RYR2: variants seen among roughly 807,000 people sequenced by gnomAD.
The protein encoded by RYR2 is ryanodine receptor 2, also known as cardiac muscle ryanodine receptor-calcium release channel.
A neutral mutation model predicts 601.1 loss-of-function variants in RYR2; 227 were observed. The observed-to-expected ratio is 0.38, with a 90% CI of 0.34 to 0.42. The LOEUF (loss-of-function observed/expected upper bound fraction) is 0.42. Ranked by LOEUF, RYR2 falls within the 10% of genes least tolerant of loss-of-function variation. The pLI is 1.00. For missense variants in RYR2, 4,646 were observed against 6,156.5 expected, an observed-to-expected ratio of 0.75 and a Z score of 8.21; for synonymous variants, 2,223 against 2,175.1, an observed-to-expected ratio of 1.02 and a Z score of -0.61.
intron 8 of RYR2, among the ~76,000 whole-genome samples, chr1:237,380,152 G>T (rs886880013): frequency 6.6e-6 from 1 of 151,126 alleles, no homozygotes; most frequent in African/African-American, 2.4e-5. Context: ...GATAGTAGCG[G>T]GTATATGAAG....
intron 73 of RYR2, among the ~76,000 whole-genome samples, chr1:237,719,513 C>T (rs1249988528): frequency 1.3e-5 from 2 of 152,030 alleles, no homozygotes; most frequent in South Asian, 2.1e-4. Flanking sequence ...AGGCATCTCG[C>T]CTGGCAGGAG....
At chr1:237,050,221 G>A (rs549404834) in intron 1 of RYR2, among the ~76,000 whole-genome samples, 1 of 152,326 alleles carries the variant, frequency 6.6e-6, no homozygotes, top group Admixed American at 6.5e-5. Context: ...AACCGATGAT[G>A]AGTATCTGCC....
rs545939421 is a variant in RYR2 at position 237,425,612 on chromosome 1, C to T, written c.1005+2364C>T. Among the ~76,000 whole-genome samples, 32 of 150,366 alleles carry T rather than the reference C, an allele frequency of 2.1e-4. No individual in the cohort carries two copies. The East Asian group carries it at 4.5e-3, about 21-fold the overall frequency. On this transcript the variant is annotated intron_variant, in intron 12 of 104. Coordinates refer to ENST00000366574, the MANE Select transcript of RYR2 (RefSeq NM_001035.3). ...TCGTGCCACTGCAGTCCAGCCTGGG[C>T]GATAGAGCAAGACTCTGTCTCAAAA...
At chr1:237,328,324 G>A (rs1396942189) in intron 2 of RYR2, among the ~76,000 whole-genome samples, 1 of 152,112 alleles carries the variant, frequency 6.6e-6, no homozygotes, top group Admixed American at 6.6e-5. Context: ...ACTATAATTA[G>A]TATGGTTAGA....
At chr1:237,767,658 G>GT (rs1693944445) in intron 84 of RYR2, among the ~76,000 whole-genome samples, 1 of 152,104 alleles carries the variant, frequency 6.6e-6, no homozygotes, top group Non-Finnish European at 1.5e-5. Context: ...AATATTAACT[G>GT]TAAGCTTATT....
At chr1:237,681,225 C>G (rs1573495130) in intron 62 of RYR2, among the ~76,000 whole-genome samples, 1 of 152,132 alleles carries the variant, frequency 6.6e-6, no homozygotes, top group African/African-American at 2.4e-5. Context: ...AAAGTCCATA[C>G]CAAGCTTTTA....
intron 8 of RYR2, among the ~76,000 whole-genome samples, chr1:237,382,502 A>T (rs1464614551): frequency 6.7e-6 from 1 of 149,304 alleles, no homozygotes; most frequent in Non-Finnish European, 1.5e-5. Context: ...CATTACGTAT[A>T]TCTCCTAATG....
chr1:237,454,571 A>G lies in RYR2; in HGVS notation c.1473A>G (p.Glu491=). 1 of 1,612,852 alleles carries G rather than the reference A, an allele frequency of 6.2e-7. No homozygotes were observed. The highest frequency in any genetic ancestry group is 1.1e-5 in the South Asian group (1 of 91,006). The change falls in exon 15 of 105, where the codon GAA becomes GAG. Residue 491 remains glutamate, a synonymous_variant. Coordinates refer to ENST00000366574, the MANE Select transcript of RYR2 (RefSeq NM_001035.3). ...ALKNRQNLFQ[E]EGMINLVLEC... is the part of the protein sequence containing the mutation. ...AGAATCGGCAAAATCTCTTCCAGGA[A>G]GAGGTCCGTTTCTATCAACACTCAT... is the stretch of plus-strand genomic sequence containing the variant.
intron 44 of RYR2, among the ~76,000 whole-genome samples, chr1:237,636,549 G>C (rs1205286149): frequency 6.6e-6 from 1 of 152,192 alleles, no homozygotes; most frequent in Admixed American, 6.5e-5. Context: ...ACAAGGAGCA[G>C]CTAGAACTCT....
intron 1 of RYR2, among the ~76,000 whole-genome samples, chr1:237,209,549 G>A (rs1425100472): frequency 1.5e-5 from 2 of 133,922 alleles, no homozygotes; most frequent in African/African-American, 5.3e-5. Context: ...GTGAGTCCAA[G>A]TGATTTGAAA....
At chr1:237,487,044 T>A (rs964474595) in intron 17 of RYR2, among the ~76,000 whole-genome samples, 2 of 152,142 alleles carry the variant, frequency 1.3e-5, no homozygotes, top group Non-Finnish European at 2.9e-5. Flanking sequence ...GAAATTTTTT[T>A]AAGTAATTTG....
chr1:237,617,141 G>A (rs1678565710), intron 37 of RYR2, 145 bp from the exon 38 acceptor site: 3 of 738,962 alleles, frequency 4.1e-6, no homozygotes, highest in African/African-American at 1.8e-5. Flanking sequence ...CTGGGACCGA[G>A]CACATTGCTG....
chr1:237,553,170 C>T (rs1028756312), intron 27 of RYR2, among the ~76,000 whole-genome samples: 1 of 151,964 alleles, frequency 6.6e-6, no homozygotes, highest in South Asian at 2.1e-4. Context: ...AATATTGTCT[C>T]TTATGTTTCC....
intron 1 of RYR2, among the ~76,000 whole-genome samples, chr1:237,158,276 A>G (rs1302947726): frequency 6.6e-6 from 1 of 152,186 alleles, no homozygotes; most frequent in Admixed American, 6.5e-5. Flanking sequence ...TGTGGGGATC[A>G]GGGAAGGTTT....
At chr1:237,672,505 A>G (rs1490811333) in intron 58 of RYR2, among the ~76,000 whole-genome samples, 2 of 152,212 alleles carry the variant, frequency 1.3e-5, no homozygotes, top group Non-Finnish European at 2.9e-5. Flanking sequence ...TATATGAGGT[A>G]CAGTGTGATA....
intron 1 of RYR2, among the ~76,000 whole-genome samples, chr1:237,262,903 ATT>A (rs551115674): frequency 6.7e-6 from 1 of 149,458 alleles, no homozygotes; most frequent in South Asian, 2.1e-4. Flanking sequence ...GATGTGAGAG[ATT>A]TTTTTTTTAA....
intron 1 of RYR2, among the ~76,000 whole-genome samples, chr1:237,173,001 G>A (rs1481830785): frequency 6.6e-6 from 1 of 152,086 alleles, no homozygotes; most frequent in Non-Finnish European, 1.5e-5. Flanking sequence ...TGAGCTGTTG[G>A]CAATCATATA....
intron 1 of RYR2, among the ~76,000 whole-genome samples, chr1:237,075,110 A>G (rs1356238868): frequency 1.3e-5 from 2 of 152,172 alleles, no homozygotes; most frequent in Non-Finnish European, 2.9e-5. Flanking sequence ...CACTGCGTGA[A>G]TTTAAAATCT....
intron 57 of RYR2, 132 bp from the exon 58 acceptor site, chr1:237,667,751 T>C (rs1684452093): frequency 3.2e-6 from 2 of 621,530 alleles, no homozygotes; most frequent in East Asian, 6.6e-5. Context: ...GAAGAGTGTT[T>C]GATATCTTTT....
Sources: gnomAD v4.1 joint callset for allele counts (sites outside exome capture counted in the v4.1 genomes callset) on GRCh38, gnomAD v4.1.1 for gene constraint, MANE v1.5 for transcripts, NCBI Gene and HGNC (gene_info 2026-07-23, HGNC 2026-07-21) for gene names.